ITPR1: variants seen among roughly 807,000 people sequenced by gnomAD.
ITPR1 encodes inositol 1,4,5-trisphosphate receptor type 1.
In ITPR1, 96 loss-of-function variants were observed where a neutral mutation model predicts 318.4. The observed-to-expected ratio is 0.30, with a 90% confidence interval of 0.26 to 0.36. The LOEUF (loss-of-function observed/expected upper bound fraction) is 0.36, where lower values mean the gene tolerates loss of function less well. Ranked by LOEUF, ITPR1 falls within the 10% of genes least tolerant of loss-of-function variation. The pLI is 1.00. For synonymous variants in ITPR1, 1,312 were observed against 1,289.9 expected, an observed-to-expected ratio of 1.02 and a Z score of -0.37; for missense variants, 2,440 against 3,460.2, an observed-to-expected ratio of 0.71 and a Z score of 7.40.
intron 4 of ITPR1, among the ~76,000 whole-genome samples, chr3:4,627,011 G>A (rs976009807): frequency 1.3e-5 from 2 of 152,012 alleles, no homozygotes; most frequent in African/African-American, 4.8e-5. Context: ...AGTAGAGACG[G>A]GGTTTCACCT....
rs769522969 is a variant in ITPR1, at chr3:4,676,639, T to C, written c.2805T>C (p.His935=). 1.4e-5 allele frequency: 23 copies of C among 1,613,544 alleles called. No homozygotes were observed. In the East Asian group the frequency reaches 3.6e-4, roughly 25 times the overall value. The part of the protein sequence containing the change: ...LKSSNVMRSI[H]GVGELMTQVV... ...GCAGTAACGTGATGAGATCTATTCA[T>C]GGCGTGGGAGAGCTGATGACCCAGG... The change falls in exon 24 of 62, where the codon CAT becomes CAC. Residue 935 remains histidine, a synonymous_variant. Transcript: ENST00000649015.
chr3:4,830,430 ATT>A (rs1015596367), intron 60 of ITPR1, among the ~76,000 whole-genome samples: 1 of 151,462 alleles, frequency 6.6e-6, no homozygotes, highest in Non-Finnish European at 1.5e-5. Flanking sequence ...CTAAAGACTA[ATT>A]TTTTTTTCTT....
chr3:4,540,997 G>T (rs114863989), intron 4 of ITPR1, among the ~76,000 whole-genome samples: 4 of 151,306 alleles, frequency 2.6e-5, no homozygotes, highest in African/African-American at 7.3e-5. Flanking sequence ...ATATTTTAAC[G>T]TGCATATTTA....
At chr3:4,546,925 A>G (rs1267428932) in intron 4 of ITPR1, among the ~76,000 whole-genome samples, 1 of 152,158 alleles carries the variant, frequency 6.6e-6, no homozygotes, top group East Asian at 1.9e-4. Context: ...GTGTTTGGAA[A>G]ACAACACTGG....
At chr3:4,592,244 C>T (rs572787211) in intron 4 of ITPR1, among the ~76,000 whole-genome samples, 7 of 152,152 alleles carry the variant, frequency 4.6e-5, no homozygotes, top group Admixed American at 3.3e-4. Flanking sequence ...GATTCAGTCC[C>T]GCATACAAAC....
intron 4 of ITPR1, among the ~76,000 whole-genome samples, chr3:4,608,391 T>A (rs911002914): frequency 1.3e-5 from 2 of 152,138 alleles, no homozygotes; most frequent in Non-Finnish European, 2.9e-5. Context: ...AAGCTTCTTT[T>A]GAGACACGAT....
intron 44 of ITPR1, among the ~76,000 whole-genome samples, chr3:4,756,540 T>C (rs2125355735): frequency 6.6e-6 from 1 of 152,318 alleles, no homozygotes; most frequent in East Asian, 1.9e-4. Flanking sequence ...GTTCATGAGT[T>C]CTCATCATCT....
In ITPR1 at chr3:4,732,157, C is replaced by G. The variant is rs527470145; in HGVS notation, c.5221-931C>G. On this transcript the variant is annotated intron_variant, in intron 42 of 61. Transcript: ENST00000649015. ...AGTGTAGAGCTGAGAATGCAGAACG[C>G]ATGCTGCCTCTGGTTACTGGCTTGC... Among the ~76,000 whole-genome samples the G allele has an allele frequency of 1.8e-3, 273 of 152,200 alleles. 3 individuals carry two copies. The highest frequency in any genetic ancestry group is 6.3e-3 in the African/African-American group (263 of 41,514).
At chr3:4,611,491 C>A (rs1378290101) in intron 4 of ITPR1, among the ~76,000 whole-genome samples, 4 of 151,630 alleles carry the variant, frequency 2.6e-5, no homozygotes, top group African/African-American at 9.7e-5. Flanking sequence ...ACCCAGGAGG[C>A]AGAGGTTGCA....
chr3:4,666,772 T>C (rs2093956694), intron 17 of ITPR1, among the ~76,000 whole-genome samples: 1 of 152,236 alleles, frequency 6.6e-6, no homozygotes, highest in African/African-American at 2.4e-5. Context: ...AGAGATTTCC[T>C]TGAGTTCACA....
intron 4 of ITPR1, among the ~76,000 whole-genome samples, chr3:4,569,451 A>G (rs527433739): frequency 3.7e-4 from 57 of 152,352 alleles, no homozygotes; most frequent in Middle Eastern, 3.4e-3. Flanking sequence ...TACGTTTTCA[A>G]TGGAAAAATG....
chr3:4,689,729 G>A (rs965580560), intron 31 of ITPR1, among the ~76,000 whole-genome samples: 1 of 152,154 alleles, frequency 6.6e-6, no homozygotes, highest in Non-Finnish European at 1.5e-5. Flanking sequence ...AAGCCTTCTA[G>A]AAGGTAACAT....
At chr3:4,699,725 A>C (rs2125260115) in intron 34 of ITPR1, 88 bp from the exon 35 acceptor site, 2 of 1,348,844 alleles carry the variant, frequency 1.5e-6, no homozygotes, top group Non-Finnish European at 2.1e-6. Context: ...TTCATTTGTT[A>C]AAAGTAACCC....
chr3:4,534,553 G>T (rs1474411803), intron 4 of ITPR1, among the ~76,000 whole-genome samples: 1 of 152,328 alleles, frequency 6.6e-6, no homozygotes. Context: ...CTGGAGGTCA[G>T]TGTAGAAAAA....
At position 4,688,628 on chromosome 3, in the gene ITPR1, T is replaced by C. The variant is rs769834836; in HGVS notation, c.3828+8T>C. On this transcript the variant is annotated splice_region_variant and intron_variant, in intron 31 of 61. Transcript: ENST00000649015. ...CTGTTTCTCAACCCAGGGGTAAGAC[T>C]TGAGGCCAATCTGCAAATCTATAGA... 37 of 1,611,184 alleles carry C rather than the reference T, an allele frequency of 2.3e-5. No individual in the cohort carries two copies. Among genetic ancestry groups the C allele is most frequent in the Non-Finnish European group, 3.1e-5 (36 of 1,177,542 alleles).
intron 10 of ITPR1, chr3:4,646,044 C>T (rs543148104): frequency 2.1e-4 from 55 of 262,700 alleles, no homozygotes; most frequent in African/African-American, 1.1e-3. Context: ...AATTCAAAAA[C>T]GAAATTAGAA....
rs2093403236 is a variant in ITPR1, at chr3:4,644,241, A to C, written c.624+7A>C. On this transcript the variant is annotated splice_region_variant and intron_variant, in intron 8 of 61. Coordinates refer to ENST00000649015, the MANE Select transcript of ITPR1 (RefSeq NM_001378452.1). ...TAACCCAGGCTGCAATGAGGTAAGG[A>C]CATTGAGTTATGTGTGTGGGTGTGG... The C allele has an allele frequency of 6.3e-7, 1 of 1,583,514 alleles. No individual in the cohort carries two copies. The highest frequency in any genetic ancestry group is 1.1e-5 in the South Asian group (1 of 87,730).
At chr3:4,739,486 G>A (rs570115819) in intron 44 of ITPR1, among the ~76,000 whole-genome samples, 1 of 152,274 alleles carries the variant, frequency 6.6e-6, no homozygotes, top group South Asian at 2.1e-4. Context: ...GTGTTTGTCG[G>A]TTCTGCATCT....
At chr3:4,689,173 T>A (rs2094442592) in intron 31 of ITPR1, among the ~76,000 whole-genome samples, 1 of 152,240 alleles carries the variant, frequency 6.6e-6, no homozygotes, top group South Asian at 2.1e-4. Context: ...TATAAATTTT[T>A]CTCATTCTTC....
Sources: allele counts gnomAD v4.1 joint callset (sites outside exome capture counted in the v4.1 genomes callset), GRCh38; gene constraint gnomAD v4.1.1; transcripts MANE v1.5; gene names NCBI Gene and HGNC (gene_info 2026-07-23, HGNC 2026-07-21).